The following SUSD1 variants were observed in gnomAD, a reference collection of about 807,000 sequenced individuals.
The protein encoded by SUSD1 is sushi domain containing 1.
Under a neutral mutation model 86.9 loss-of-function variants are expected in SUSD1, and 65 were observed. That is an observed-to-expected ratio of 0.75 (90% confidence interval 0.61 to 0.92). The LOEUF is 0.92. SUSD1 is among the 40% of genes least tolerant of loss of function. The pLI is 0.00. For missense variants in SUSD1, 850 were observed against 929.7 expected (o/e 0.91, Z 1.11); for synonymous variants, 346 against 350.0 (o/e 0.99, Z 0.13).
intron 8 of SUSD1, chr9:112,103,155 G>T (rs1183864281): frequency 4.3e-6 from 2 of 463,040 alleles, no homozygotes; most frequent in Non-Finnish European, 8.9e-6. Flanking sequence ...TCTCCCGTGG[G>T]AGTTTCTGCT....
chr9:112,079,813 G>C (rs1323791919), intron 11 of SUSD1, among the ~76,000 whole-genome samples: 2 of 152,064 alleles, frequency 1.3e-5, no homozygotes, highest in African/African-American at 4.8e-5. Flanking sequence ...ATGTTGACCA[G>C]GCTGGTCTTA....
intron 5 of SUSD1, among the ~76,000 whole-genome samples, chr9:112,127,280 C>T (rs1281415082): frequency 6.6e-6 from 1 of 152,134 alleles, no homozygotes; most frequent in Non-Finnish European, 1.5e-5. Flanking sequence ...GACTGGGGCA[C>T]AAGAATCACT....
intron 10 of SUSD1, among the ~76,000 whole-genome samples, chr9:112,094,419 T>A (rs979886487): frequency 1.3e-5 from 2 of 152,160 alleles, no homozygotes; most frequent in Non-Finnish European, 2.9e-5. Flanking sequence ...CCCTGGATGA[T>A]CTGTTTCACA....
chr9:112,109,842 T>C (rs1179542783), intron 8 of SUSD1, among the ~76,000 whole-genome samples: 10 of 152,262 alleles, frequency 6.6e-5, no homozygotes, highest in African/African-American at 2.4e-4. Context: ...TTTGCCTGCA[T>C]ATTATTTACT....
At chr9:112,053,706 G>A (rs1217599871) in intron 14 of SUSD1, among the ~76,000 whole-genome samples, 1 of 152,184 alleles carries the variant, frequency 6.6e-6, no homozygotes, top group Non-Finnish European at 1.5e-5. Flanking sequence ...GGCCATTTGG[G>A]GGAATGGAGT....
At chr9:112,131,726 T>A (rs1037932008) in intron 5 of SUSD1, among the ~76,000 whole-genome samples, 2 of 151,960 alleles carry the variant, frequency 1.3e-5, no homozygotes, top group Admixed American at 6.6e-5. Flanking sequence ...GAAGAAAAAA[T>A]AAGCAGTACA....
chr9:112,147,197 A>G (rs557220101), intron 3 of SUSD1, among the ~76,000 whole-genome samples: 1 of 152,200 alleles, frequency 6.6e-6, no homozygotes, highest in East Asian at 1.9e-4. Context: ...CCACTAGCAC[A>G]GTCTTGTCAT....
chr9:112,084,066 C>T (rs571720946), intron 10 of SUSD1, among the ~76,000 whole-genome samples: 5 of 152,052 alleles, frequency 3.3e-5, no homozygotes, highest in Non-Finnish European at 7.4e-5. Flanking sequence ...CATAGATGGA[C>T]AATGACAATT....
intron 5 of SUSD1, among the ~76,000 whole-genome samples, chr9:112,125,063 T>C (rs1001862120): frequency 6.6e-6 from 1 of 152,136 alleles, no homozygotes; most frequent in Non-Finnish European, 1.5e-5. Context: ...CAAACTATAC[T>C]TCACTTAAGA....
In SUSD1 at chr9:112,102,277, G is replaced by C. The variant is rs151037274; in HGVS notation, c.1180C>G (p.Leu394Val). The C allele has an allele frequency of 6.5e-7, 1 of 1,549,396 alleles. No homozygotes were observed. The highest frequency in any genetic ancestry group is 8.8e-7 in the Non-Finnish European group (1 of 1,134,452). ...VIGFQTAEVD[L>V]LEDDGSFNIS... ...TTGAAACTTCCATCATCTTCTAAGA[G>C]ATCAACTTCTAAAAGACAAGAGAGA... The change falls in exon 9 of 17, where the codon CTC (leucine) becomes GTC (valine). Residue 394 changes from leucine (L) to valine (V), a missense_variant. Transcript: ENST00000374270.
At chr9:112,165,934 GAAAGAAAGAAGAAAGAAAGAAAGAAAGA>G (rs1833789169) in intron 1 of SUSD1, among the ~76,000 whole-genome samples, 1 of 101,554 alleles carries the variant, frequency 9.8e-6, no homozygotes, top group Admixed American at 1.1e-4. Context: ...AAGAAAGAAA[GAAAGAAAGAAGAAAGAAAGAAAGAAAGA>G]AAGAAAGAAA....
At chr9:112,122,124 C>T (rs930471004) in intron 6 of SUSD1, among the ~76,000 whole-genome samples, 2 of 152,310 alleles carry the variant, frequency 1.3e-5, no homozygotes, top group Admixed American at 6.5e-5. Context: ...CCTAATGACA[C>T]ACAGCTAATA....
chr9:112,108,604 C>T (rs1830944075), intron 8 of SUSD1, among the ~76,000 whole-genome samples: 1 of 151,142 alleles, frequency 6.6e-6, no homozygotes, highest in African/African-American at 2.4e-5. Flanking sequence ...ATGGCAAAAC[C>T]CTGTCTCTAC....
At chr9:112,088,389 CTG>C (rs1830068165) in intron 10 of SUSD1, among the ~76,000 whole-genome samples, 1 of 152,198 alleles carries the variant, frequency 6.6e-6, no homozygotes, top group Non-Finnish European at 1.5e-5. Context: ...AACTGAAAAA[CTG>C]AGAGGAAAAG....
chr9:112,143,404 G>C (rs1458064502), intron 4 of SUSD1, 67 bp downstream of exon 4: 1 of 1,547,310 alleles, frequency 6.5e-7, no homozygotes, highest in Non-Finnish European at 8.9e-7. Context: ...CACAGGCTTG[G>C]AGCAGAAGAA....
chr9:112,159,199 G>T (rs1011270879), intron 1 of SUSD1, among the ~76,000 whole-genome samples: 4 of 152,120 alleles, frequency 2.6e-5, no homozygotes, highest in Admixed American at 6.6e-5. Flanking sequence ...AGGCTATGTG[G>T]TATACTGTGT....
At chr9:112,146,293 G>A (rs1291368887) in intron 3 of SUSD1, 1 of 152,122 alleles carries the variant, frequency 6.6e-6, no homozygotes, top group African/African-American at 2.4e-5. Context: ...TCATGGTGGG[G>A]GCATGAAAAT....
At chr9:112,143,751 C>T in intron 3 of SUSD1, 128 bp from the exon 4 acceptor site, 3 of 895,796 alleles carry the variant, frequency 3.3e-6, no homozygotes, top group South Asian at 4.0e-5. Context: ...CATTTGTTTG[C>T]AATTGTATCA....
Position 112,102,211 on chromosome 9 carries a change from G to T in SUSD1, c.1246C>A (p.Arg416Ser). 1 of 1,600,830 alleles carries T rather than the reference G, an allele frequency of 6.2e-7. No individual in the cohort carries two copies. Among genetic ancestry groups the T allele is most frequent in the Admixed American group, 1.7e-5 (1 of 57,832 alleles). ...TGTTCTGATCCAACTTTCCTAGAACGCCTGTTCAATTTCAAACAAGTTTCA... is the reference window on the plus strand; with the variant it reads ...TGTTCTGATCCAACTTTCCTAGAACTCCTGTTCAATTTCAAACAAGTTTCA... ...FNETCLKLNRRSRKVGSEHMY... is the reference protein window; with the variant it reads ...FNETCLKLNRSSRKVGSEHMY... The change falls in exon 9 of 17, where the codon CGT becomes AGT. Residue 416 changes from arginine to serine, a missense_variant. Physicochemically the swap from Arg to Ser is moderately radical, Grantham distance 110. Coordinates refer to ENST00000374270, the MANE Select transcript of SUSD1 (RefSeq NM_022486.5).
Sources: allele counts gnomAD v4.1 joint callset (sites outside exome capture counted in the v4.1 genomes callset), GRCh38; gene constraint gnomAD v4.1.1; transcripts MANE v1.5; gene names NCBI Gene and HGNC (gene_info 2026-07-23, HGNC 2026-07-21).